Variants in DNMBP observed in about 807,000 individuals in gnomAD.
DNMBP encodes dynamin-binding protein.
DNMBP carries 87 observed loss-of-function variants against 150.0 expected under a neutral mutation model. The observed-to-expected ratio is 0.58, with a 90% CI of 0.49 to 0.69. DNMBP has a LOEUF of 0.69. DNMBP is among the 30% of genes least tolerant of loss of function. DNMBP has a pLI of 0.00. For synonymous variants in DNMBP, 711 were observed against 750.4 expected, an observed-to-expected ratio of 0.95 and a Z score of 0.86; for missense variants, 1,774 against 1,949.0, an observed-to-expected ratio of 0.91 and a Z score of 1.69.
At chr10:99,964,673 C>G (rs2040601038) in intron 3 of DNMBP, among the ~76,000 whole-genome samples, 1 of 151,552 alleles carries the variant, frequency 6.6e-6, no homozygotes, top group Non-Finnish European at 1.5e-5. Context: ...GAGTTCGAGA[C>G]CAGCTTGGCC....
chr10:99,893,085 G>C (rs1440516613), intron 11 of DNMBP, among the ~76,000 whole-genome samples: 2 of 152,138 alleles, frequency 1.3e-5, no homozygotes, highest in African/African-American at 2.4e-5. Context: ...TATAAGAAAT[G>C]ACAATTTAAA....
At chr10:99,960,070 G>A (rs1474716046) in intron 3 of DNMBP, among the ~76,000 whole-genome samples, 4 of 152,082 alleles carry the variant, frequency 2.6e-5, no homozygotes, top group African/African-American at 7.2e-5. Flanking sequence ...CTCACAAAAC[G>A]TAAGCTGAAC....
intron 4 of DNMBP, among the ~76,000 whole-genome samples, chr10:99,941,659 G>A (rs1242975772): frequency 6.6e-6 from 1 of 151,858 alleles, no homozygotes; most frequent in Admixed American, 6.6e-5. Context: ...GTAGAGACGG[G>A]GTTTCTCCAT....
At position 99,936,046 on chromosome 10, in the gene DNMBP, G is replaced by A. The variant is rs397839765; in HGVS notation, c.2260+19168C>T. ...CTCTGACTTGGGTACTGAGTGAGAAGGAAATTTTAACTATAAAAGTATAGG... is the reference window on the plus strand; with the variant it reads ...CTCTGACTTGGGTACTGAGTGAGAAAGAAATTTTAACTATAAAAGTATAGG... On this transcript the variant is annotated intron_variant, in intron 4 of 16. Transcript: ENST00000324109. Among the ~76,000 whole-genome samples, 201 of 152,130 alleles carry A rather than the reference G, an allele frequency of 1.3e-3. 1 individual carries two copies. The highest frequency in any genetic ancestry group is 8.3e-3 in the South Asian group (40 of 4,808).
At chr10:99,950,199 C>G (rs977460223) in intron 4 of DNMBP, among the ~76,000 whole-genome samples, 1 of 152,216 alleles carries the variant, frequency 6.6e-6, no homozygotes, top group Non-Finnish European at 1.5e-5. Flanking sequence ...TCTTTGCCAG[C>G]TGCCATCCAC....
rs769135896 is a variant in DNMBP, at chr10:99,880,276, G to A, written c.4083C>T (p.Ser1361=). 1.2e-6 allele frequency: 2 copies of A among 1,614,028 alleles called. No homozygotes were observed. Among genetic ancestry groups the A allele is most frequent in the Admixed American group, 1.7e-5 (1 of 60,002 alleles). The change falls in exon 16 of 17, where the codon TCC becomes TCT. Residue 1361 remains serine (S), a synonymous_variant. Coordinates refer to ENST00000324109, the MANE Select transcript of DNMBP (RefSeq NM_015221.4). ...SHSDASVGSH[S]STESEHGSSS... is the part of the protein sequence containing the mutation. ...AGCTGCCGTGCTCAGACTCTGTGGA[G>A]GAGTGGCTACCCACGGAGGCATCGG...
intron 1 of DNMBP, among the ~76,000 whole-genome samples, chr10:99,982,060 C>T (rs2040784209): frequency 6.6e-6 from 1 of 152,188 alleles, no homozygotes; most frequent in Non-Finnish European, 1.5e-5. Flanking sequence ...CTTCCAATTA[C>T]CCAATTTGAG....
chr10:99,894,240 A>G (rs2804423), intron 11 of DNMBP, among the ~76,000 whole-genome samples: 23,812 of 152,182 alleles, frequency 0.16, 3,082 homozygotes, highest in African/African-American at 0.35. Context: ...ATTGCACTCC[A>G]GTCTGGGTGA....
intron 3 of DNMBP, among the ~76,000 whole-genome samples, chr10:99,967,848 T>C (rs1267671203): frequency 6.6e-6 from 1 of 152,152 alleles, no homozygotes; most frequent in Non-Finnish European, 1.5e-5. Context: ...GAAGCTTCTG[T>C]CTTTTAGACA....
Position 99,885,718 on chromosome 10 carries a change from C to A in DNMBP, c.3767G>T (p.Arg1256Leu), listed in dbSNP as rs115690771. The A allele has an allele frequency of 6.3e-7, 1 of 1,582,778 alleles. No homozygotes were observed. Among genetic ancestry groups the A allele is most frequent in the Admixed American group, 1.8e-5 (1 of 55,946 alleles). The change falls in exon 14 of 17, where the codon CGC becomes CTC. Residue 1256 changes from arginine (R) to leucine (L), a missense_variant. By Grantham distance (102) the Arg-to-Leu change is moderately radical. Around this residue, in one of 2 missense-constraint regions of DNMBP, gnomAD observed 1,430 missense variants for 1,492.5 expected, o/e 0.96. Coordinates refer to ENST00000324109, the MANE Select transcript of DNMBP (RefSeq NM_015221.4). The stretch of plus-strand genomic sequence containing the variant: ...CAGGAGTGGCTTTCGAGCAGACTGG[C>A]GGTCAATGGTTTTCCTCTCAAATGG... ...KKPFERKTID[R>L]QSARKPLLGL... is the part of the protein sequence containing the mutation.
chr10:100,006,582 C>G (rs1041175094), intron 1 of DNMBP, among the ~76,000 whole-genome samples: 2 of 152,116 alleles, frequency 1.3e-5, no homozygotes, highest in African/African-American at 4.8e-5. Flanking sequence ...TCAAAGCTCT[C>G]CAACGGCTTC....
intron 1 of DNMBP, among the ~76,000 whole-genome samples, chr10:100,002,060 C>A (rs1338322275): frequency 6.6e-6 from 1 of 152,038 alleles, no homozygotes; most frequent in Non-Finnish European, 1.5e-5. Flanking sequence ...GAGAGCCAAT[C>A]AAAGCAAAAT....
intron 4 of DNMBP, among the ~76,000 whole-genome samples, chr10:99,911,716 TA>T (rs1174682750): frequency 1.3e-5 from 2 of 152,202 alleles, no homozygotes; most frequent in Admixed American, 6.5e-5. Flanking sequence ...TTATTCAAAA[TA>T]AAACTTAAGA....
intron 4 of DNMBP, among the ~76,000 whole-genome samples, chr10:99,909,756 C>T (rs1447374866): frequency 6.6e-6 from 1 of 152,164 alleles, no homozygotes; most frequent in Non-Finnish European, 1.5e-5. Flanking sequence ...CCAAAACTCA[C>T]AAGCAGGTTT....
chr10:99,890,916 G>T (rs1361546308), intron 11 of DNMBP, among the ~76,000 whole-genome samples: 1 of 152,084 alleles, frequency 6.6e-6, no homozygotes, highest in East Asian at 1.9e-4. Context: ...CAAAGTGTTG[G>T]GATTACAGGC....
At chr10:99,941,047 G>A (rs2040293278) in intron 4 of DNMBP, among the ~76,000 whole-genome samples, 1 of 152,018 alleles carries the variant, frequency 6.6e-6, no homozygotes, top group Admixed American at 6.6e-5. Context: ...ACCACACTTG[G>A]CTAATTTTTG....
chr10:99,917,985 A>AAAAAAG (rs150026334), intron 4 of DNMBP, among the ~76,000 whole-genome samples: 1 of 145,674 alleles, frequency 6.9e-6, no homozygotes. Context: ...AAAAAAAAAA[A>AAAAAAG]AAAAAGAAAA....
intron 3 of DNMBP, among the ~76,000 whole-genome samples, chr10:99,961,423 C>T (rs1368762360): frequency 5.6e-5 from 8 of 143,892 alleles, no homozygotes; most frequent in South Asian, 4.8e-4. Flanking sequence ...TACAGGCATG[C>T]GCCACCATAC....
chr10:99,924,418 G>A (rs936651305), intron 4 of DNMBP, among the ~76,000 whole-genome samples: 4 of 152,182 alleles, frequency 2.6e-5, no homozygotes, highest in African/African-American at 7.2e-5. Flanking sequence ...ACTCCAGCCC[G>A]GGCGACAGAG....
Sources: gnomAD v4.1 joint callset for allele counts (sites outside exome capture counted in the v4.1 genomes callset) on GRCh38, gnomAD v4.1.1 for gene constraint, gnomAD v4.1.1 regional missense constraint, MANE v1.5 for transcripts, NCBI Gene and HGNC (gene_info 2026-07-23, HGNC 2026-07-21) for gene names.